The following SLC25A48 variants were observed in gnomAD, a reference collection of about 807,000 sequenced individuals.
SLC25A48 encodes the protein solute carrier family 25 member 48, also known as CTC-321K16.1.
Under a neutral mutation model 32.2 loss-of-function variants are expected in SLC25A48, and 29 were observed. The ratio of observed to expected loss-of-function variants is 0.90; its 90% CI spans 0.67 to 1.23. SLC25A48 has a LOEUF of 1.23. SLC25A48 is among the 50% of genes most tolerant of loss of function. SLC25A48 has a pLI of 0.00. For synonymous variants in SLC25A48, 164 were observed against 172.3 expected (o/e 0.95, Z 0.38); for missense variants, 399 against 422.7 (o/e 0.94, Z 0.49).
chr5:135,620,886 G>A (rs1163988058), intron 1 of SLC25A48, among the ~76,000 whole-genome samples: 1 of 152,114 alleles, frequency 6.6e-6, no homozygotes, highest in African/African-American at 2.4e-5. Flanking sequence ...GTGGGAATCT[G>A]GACTGCTGGA....
Position 135,837,693 on chromosome 5 carries a change from A to G in SLC25A48, c.46+2800A>G, listed in dbSNP as rs117325446. ...GGCTTTATAAAGGGGAGTTCCCTAC[A>G]CAAGCTCTCTTTTTCCCTGGCACCA... On this transcript the variant is annotated intron_variant, in intron 1 of 7. Transcript: ENST00000681962. Among the ~76,000 whole-genome samples, 61 of 152,304 alleles carry G rather than the reference A, an allele frequency of 4.0e-4. 1 individual carries two copies. The East Asian group carries it at 0.01, about 25-fold the overall frequency.
At chr5:135,826,279 C>G (rs1302377588) in intron 4 of SLC25A48, 1 of 152,456 alleles carries the variant, frequency 6.6e-6, no homozygotes, top group East Asian at 1.9e-4. Context: ...GGGAGAAACT[C>G]AGCCTGTGCC....
chr5:135,775,945 CT>C (rs1384519932), intron 3 of SLC25A48, among the ~76,000 whole-genome samples: 1 of 151,540 alleles, frequency 6.6e-6, no homozygotes, highest in Non-Finnish European at 1.5e-5. Flanking sequence ...GATATTGTTC[CT>C]CATATAAGAA....
intron 3 of SLC25A48, among the ~76,000 whole-genome samples, chr5:135,717,379 C>T (rs923610224): frequency 6.6e-6 from 1 of 152,184 alleles, no homozygotes; most frequent in South Asian, 2.1e-4. Context: ...TGTCTTGTAC[C>T]AGGGCCCGTC....
chr5:135,864,610 G>A (rs1231492232), intron 4 of SLC25A48, among the ~76,000 whole-genome samples: 1 of 152,222 alleles, frequency 6.6e-6, no homozygotes, highest in Non-Finnish European at 1.5e-5. Flanking sequence ...CAGCCCAGGA[G>A]TGAAGGGAGG....
chr5:135,628,310 G>T (rs1291666866), intron 1 of SLC25A48, among the ~76,000 whole-genome samples: 2 of 152,264 alleles, frequency 1.3e-5, no homozygotes, highest in East Asian at 1.9e-4. Context: ...ACAGAAGGGG[G>T]TCAATTTACA....
chr5:135,824,031 C>A (rs1402770081), intron 4 of SLC25A48, among the ~76,000 whole-genome samples: 1 of 152,164 alleles, frequency 6.6e-6, no homozygotes, highest in Non-Finnish European at 1.5e-5. Context: ...GATAAGACCA[C>A]CCCACACATG....
At chr5:135,775,485 G>GT (rs1284120215) in intron 3 of SLC25A48, among the ~76,000 whole-genome samples, 1 of 151,486 alleles carries the variant, frequency 6.6e-6, no homozygotes, top group Non-Finnish European at 1.5e-5. Context: ...CTGTGCTATT[G>GT]TTTTTTATAT....
Position 135,842,460 on chromosome 5 carries a change from G to A in SLC25A48, c.90+1G>A. ...TGGCCACCCTCTGGACACAGTCAAG[G>A]TACAGTAGCCATGTTTCCCATTACC... On this transcript the variant is annotated splice_donor_variant, in intron 2 of 7. Transcript: ENST00000681962. LOFTEE classifies it high-confidence loss of function. 1 of 1,613,598 alleles carries A rather than the reference G, an allele frequency of 6.2e-7. No individual in the cohort carries two copies. Among genetic ancestry groups the A allele is most frequent in the Non-Finnish European group, 8.5e-7 (1 of 1,179,522 alleles).
At chr5:135,812,007 GGGA>G (rs145622895) in intron 3 of SLC25A48, among the ~76,000 whole-genome samples, 4,466 of 152,252 alleles carry the variant, frequency 0.029, 222 homozygotes, top group African/African-American at 0.1. Context: ...GCATGAATCT[GGGA>G]GGCAGAGGTT....
At chr5:135,828,107 A>G (rs1273418357) in intron 4 of SLC25A48, among the ~76,000 whole-genome samples, 1 of 152,148 alleles carries the variant, frequency 6.6e-6, no homozygotes, top group Admixed American at 6.5e-5. Flanking sequence ...GGATGAAGAG[A>G]CCCGCCAGAG....
intron 1 of SLC25A48, among the ~76,000 whole-genome samples, chr5:135,626,775 G>A (rs561232840): frequency 3.3e-5 from 5 of 152,308 alleles, no homozygotes; most frequent in South Asian, 2.1e-4. Flanking sequence ...AATGTAGGGG[G>A]TGGGGTGTGA....
intron 3 of SLC25A48, among the ~76,000 whole-genome samples, chr5:135,772,437 C>A (rs1327052017): frequency 2.0e-5 from 3 of 151,556 alleles, no homozygotes; most frequent in African/African-American, 4.8e-5. Flanking sequence ...CTCCCTATAT[C>A]GTTGTGGGTG....
In SLC25A48 at chr5:135,699,404, G is replaced by A. The variant is rs202194269; in HGVS notation, c.-521+64448G>A. ...GAATCCCCCAAAAACATTACGCTGG[G>A]AAAAAAAAAAAGCCAGACATGGAAG... On this transcript the variant is annotated intron_variant, in intron 3 of 10. Coordinates refer to the SLC25A48 transcript ENST00000646290. Among the ~76,000 whole-genome samples the A allele has an allele frequency of 3.4e-4, 51 of 148,360 alleles. 3 individuals are homozygous for A. The highest frequency in any genetic ancestry group is 2.9e-3 in the Admixed American group (44 of 14,946).
intron 3 of SLC25A48, among the ~76,000 whole-genome samples, chr5:135,770,696 G>A (rs562643675): frequency 8.2e-4 from 124 of 151,460 alleles, no homozygotes; most frequent in African/African-American, 2.8e-3. Flanking sequence ...GAAAATGAGA[G>A]AATAATGTTG....
intron 1 of SLC25A48, among the ~76,000 whole-genome samples, chr5:135,593,158 A>G (rs971242917): frequency 3.3e-5 from 5 of 151,864 alleles, no homozygotes; most frequent in Non-Finnish European, 7.4e-5. Context: ...TGTTCCCCCC[A>G]CACCCCTCCT....
Position 135,685,531 on chromosome 5 carries a change from C to A in SLC25A48, c.-521+50575C>A. ...CACTGCAACCTCTGCCTTCCGGGTT[C>A]AAGCAATTCTCATACCTCGGCCTCC... On this transcript the variant is annotated intron_variant, in intron 3 of 10. Coordinates refer to the SLC25A48 transcript ENST00000646290. Among the ~76,000 whole-genome samples the A allele has an allele frequency of 1.3e-5, 2 of 149,504 alleles. 1 individual carries two copies. The highest frequency in any genetic ancestry group is 1.3e-4 in the Admixed American group (2 of 14,860).
In SLC25A48 at chr5:135,777,598, C is replaced by T. The variant is rs1756598906; in HGVS notation, c.-520-34925C>T. On this transcript the variant is annotated intron_variant, in intron 3 of 10. Coordinates refer to the SLC25A48 transcript ENST00000646290. The stretch of plus-strand genomic sequence containing the variant: ...TAATATTACTCCCAATATTGCAGGG[C>T]ATGTAACCGCCCCCTTGTGATATTG... Among the ~76,000 whole-genome samples the T allele has an allele frequency of 2.6e-5, 4 of 151,492 alleles. No homozygotes were observed. The South Asian group carries it at 6.2e-4, about 24-fold the overall frequency.
intron 1 of SLC25A48, among the ~76,000 whole-genome samples, chr5:135,590,283 A>G (rs1300356701): frequency 2.0e-5 from 3 of 152,114 alleles, no homozygotes; most frequent in South Asian, 2.1e-4. Flanking sequence ...CACCCCATCA[A>G]TGTGCAGAGG....
Sources: gnomAD v4.1 joint callset for allele counts (sites outside exome capture counted in the v4.1 genomes callset) on GRCh38, gnomAD v4.1.1 for gene constraint, MANE v1.5 for transcripts, NCBI Gene and HGNC (gene_info 2026-07-23, HGNC 2026-07-21) for gene names.